The following CCDC47 variants were observed in gnomAD, a reference collection of about 807,000 sequenced individuals.
CCDC47 encodes the protein PAT complex subunit CCDC47.
In CCDC47, 41 loss-of-function variants were observed where a neutral mutation model predicts 60.5. That is an observed-to-expected ratio of 0.68 (90% CI 0.53 to 0.88). The LOEUF is 0.88. Among genes scored for constraint, CCDC47 ranks in the 40% least tolerant of loss-of-function variants. The probability of loss-of-function intolerance (pLI) is 0.00; values close to 1 mark genes in which losing one functional copy is unlikely to be tolerated. For synonymous variants in CCDC47, 195 were observed against 190.7 expected (o/e 1.02, Z -0.18); for missense variants, 513 against 580.9 (o/e 0.88, Z 1.20).
At chr17:63,749,678 G>A (rs1045420454) in intron 12 of CCDC47, among the ~76,000 whole-genome samples, 1 of 152,090 alleles carries the variant, frequency 6.6e-6, no homozygotes, top group African/African-American at 2.4e-5. Context: ...GAACCCGGGA[G>A]GTGGAGGCTG....
chr17:63,768,806 C>T (rs1410030712), intron 1 of CCDC47, among the ~76,000 whole-genome samples: 1 of 151,628 alleles, frequency 6.6e-6, no homozygotes, highest in Non-Finnish European at 1.5e-5. Flanking sequence ...AAAAATTAGC[C>T]AAGTCTCACG....
intron 10 of CCDC47, 78 bp downstream of exon 10, chr17:63,752,663 C>T: frequency 1.4e-6 from 2 of 1,428,434 alleles, no homozygotes; most frequent in Non-Finnish European, 1.9e-6. Flanking sequence ...TTAAAGCTAT[C>T]ATTTAGGAGG....
chr17:63,752,044 CAT>C lies in CCDC47; in HGVS notation c.1265_1266del (p.His422ArgfsTer25), dbSNP rs2039170608. 1.9e-6 allele frequency: 3 copies of C among 1,613,616 alleles called. No homozygotes were observed. The highest frequency in any genetic ancestry group is 1.1e-5 in the South Asian group (1 of 91,072). ...RVEENFLKLT[H>X]VQRQEAAQSR... ...GACTGTGCTGCTTCCTGTCTTTGCA[CAT>C]GTGTCAGTTTCAAGAAGTTCTCTTC... On this transcript the variant is annotated frameshift_variant, in exon 12 of 13. Coordinates refer to ENST00000225726, the MANE Select transcript of CCDC47 (RefSeq NM_020198.3). LOFTEE classifies it high-confidence loss of function.
intron 4 of CCDC47, chr17:63,761,856 G>T (rs1555716477): frequency 1.1e-6 from 1 of 946,082 alleles, no homozygotes; most frequent in Non-Finnish European, 1.3e-6. Flanking sequence ...TAAAACTATT[G>T]TCTGTATTAG....
chr17:63,747,662 A>G, intron 12 of CCDC47: 1 of 985,370 alleles, frequency 1.0e-6, no homozygotes, highest in Non-Finnish European at 1.2e-6. Flanking sequence ...TTCAGCTACA[A>G]TCTCAAACTT....
rs2039281135 is a variant in CCDC47 at position 63,764,192 on chromosome 17, TA to T, written c.373-3del. 1.3e-6 allele frequency: 2 copies of T among 1,584,272 alleles called. No individual in the cohort carries two copies. Among genetic ancestry groups the T allele is most frequent in the South Asian group, 1.2e-5 (1 of 85,748 alleles). ...GCTGTTCTGGAGGTGTGCAGGAACC[TA>T]AAAAAGCAAAATCATTCCATTAAAT... On this transcript the variant is annotated splice_region_variant and splice_polypyrimidine_tract_variant and intron_variant, in intron 3 of 12. Transcript: ENST00000225726.
At chr17:63,760,139 A>T (rs929400062) in intron 6 of CCDC47, among the ~76,000 whole-genome samples, 4 of 152,148 alleles carry the variant, frequency 2.6e-5, no homozygotes, top group Non-Finnish European at 2.9e-5. Flanking sequence ...GCAGATAAAC[A>T]TATTGATTTA....
chr17:63,767,772 G>A (rs1055410645), intron 1 of CCDC47, among the ~76,000 whole-genome samples: 2 of 152,042 alleles, frequency 1.3e-5, no homozygotes, highest in African/African-American at 4.8e-5. Context: ...CCTCCCCTCA[G>A]GCTGACCCAA....
At chr17:63,759,507 A>AT (rs2039234045) in intron 6 of CCDC47, among the ~76,000 whole-genome samples, 1 of 22,196 alleles carries the variant, frequency 4.5e-5, no homozygotes, top group East Asian at 1.1e-3. Flanking sequence ...AAAAAAAAAA[A>AT]AATATATATA....
chr17:63,762,371 G>T, intron 4 of CCDC47: 2 of 373,466 alleles, frequency 5.4e-6, no homozygotes, highest in Non-Finnish European at 7.4e-6. Flanking sequence ...TTTGCAAACA[G>T]GTAGATAAGT....
Position 63,750,866 on chromosome 17 carries a change from C to T in CCDC47, c.1371+1074G>A, listed in dbSNP as rs145252683. ...CCTCCCAAAGTGCTGGGATTACAGG[C>T]GTGAGCCACCACGCCCGGCCTGTCC... On this transcript the variant is annotated intron_variant, in intron 12 of 12. Coordinates refer to ENST00000225726, the MANE Select transcript of CCDC47 (RefSeq NM_020198.3). Among the ~76,000 whole-genome samples the T allele has an allele frequency of 2.7e-3, 403 of 151,714 alleles. 2 individuals are homozygous for T. The highest frequency in any genetic ancestry group is 9.3e-3 in the African/African-American group (383 of 41,348).
chr17:63,761,207 C>A (rs1377078807), intron 5 of CCDC47, 23 bp downstream of exon 5: 1 of 1,613,752 alleles, frequency 6.2e-7, no homozygotes, highest in South Asian at 1.1e-5. Context: ...AGATATATAT[C>A]GTACAAGAAG....
At chr17:63,760,060 C>T (rs555933315) in intron 6 of CCDC47, among the ~76,000 whole-genome samples, 3 of 39,706 alleles carry the variant, frequency 7.6e-5, no homozygotes, top group East Asian at 1.2e-3. Context: ...AAGACTCCGT[C>T]TCAAAAAAAA....
chr17:63,754,660 G>T, intron 8 of CCDC47, 142 bp from the exon 9 acceptor site: 2 of 556,878 alleles, frequency 3.6e-6, no homozygotes, highest in Non-Finnish European at 3.2e-6. Context: ...ATTACTTGAG[G>T]CAAGGAGTTT....
chr17:63,752,904 G>A, intron 9 of CCDC47, 105 bp from the exon 10 acceptor site: 1 of 1,461,516 alleles, frequency 6.8e-7, no homozygotes, highest in East Asian at 2.6e-5. Flanking sequence ...CACATAATCA[G>A]CACAGTATTT....
At position 63,754,528 on chromosome 17, in the gene CCDC47, AG is replaced by A; in HGVS notation, c.949-11del. 1 of 1,564,966 alleles carries A rather than the reference AG, an allele frequency of 6.4e-7. No individual in the cohort carries two copies. The highest frequency in any genetic ancestry group is 8.7e-7 in the Non-Finnish European group (1 of 1,146,398). On this transcript the variant is annotated splice_polypyrimidine_tract_variant and intron_variant, in intron 8 of 12. Coordinates refer to ENST00000225726, the MANE Select transcript of CCDC47 (RefSeq NM_020198.3). The stretch of plus-strand genomic sequence containing the variant: ...TAAGAAAGTGAACCATCTGAAAAAA[AG>A]AAAATAATATTTTTTAAAAGCAAGG...
chr17:63,760,984 A>G lies in CCDC47; in HGVS notation c.670-5T>C. 1 of 1,612,738 alleles carries G rather than the reference A, an allele frequency of 6.2e-7. No individual in the cohort carries two copies. The highest frequency in any genetic ancestry group is 1.7e-4 in the Middle Eastern group (1 of 6,060). ...TAAGTCTTGTCTCTTGAGGAACTGA[A>G]AAAAATGAGAGAAGTAAGTAAATCC... On this transcript the variant is annotated splice_region_variant and splice_polypyrimidine_tract_variant and intron_variant, in intron 5 of 12. Coordinates refer to ENST00000225726, the MANE Select transcript of CCDC47 (RefSeq NM_020198.3).
At chr17:63,771,776 A>T (rs1220608029) in intron 1 of CCDC47, among the ~76,000 whole-genome samples, 1 of 152,104 alleles carries the variant, frequency 6.6e-6, no homozygotes, top group East Asian at 1.9e-4. Context: ...GTGAAATTAG[A>T]CTTGGTTTAA....
At chr17:63,753,744 A>G (rs1333145772) in intron 9 of CCDC47, 1 of 333,360 alleles carries the variant, frequency 3.0e-6, no homozygotes, top group Admixed American at 6.5e-5. Context: ...AAGGCCATAA[A>G]TTACAAAACA....
Sources: allele counts gnomAD v4.1 joint callset (sites outside exome capture counted in the v4.1 genomes callset), GRCh38; gene constraint gnomAD v4.1.1; transcripts MANE v1.5; gene names NCBI Gene and HGNC (gene_info 2026-07-23, HGNC 2026-07-21).